The following PPP1R13B variants were observed in gnomAD, a reference collection of about 807,000 sequenced individuals.
PPP1R13B encodes protein phosphatase 1 regulatory subunit 13B.
PPP1R13B carries 44 observed loss-of-function variants against 119.8 expected under a neutral mutation model. The observed-to-expected ratio is 0.37, with a 90% CI of 0.29 to 0.47. The LOEUF is 0.47. Among genes scored for constraint, PPP1R13B ranks in the 20% least tolerant of loss-of-function variants. The pLI, the probability that PPP1R13B is intolerant of heterozygous loss-of-function variation, is 0.99. For synonymous variants in PPP1R13B, 542 were observed against 561.5 expected (o/e 0.97, Z 0.49); for missense variants, 1,227 against 1,413.5 (o/e 0.87, Z 2.12).
intron 4 of PPP1R13B, among the ~76,000 whole-genome samples, chr14:103,769,525 C>A (rs12890354): frequency 0.29 from 44,236 of 152,076 alleles, 6,929 homozygotes; most frequent in Non-Finnish European, 0.34. Flanking sequence ...CAGGCGTGAG[C>A]CACAACACAT....
At chr14:103,794,580 G>A (rs1176562903) in intron 2 of PPP1R13B, 8 of 425,332 alleles carry the variant, frequency 1.9e-5, no homozygotes, top group African/African-American at 1.2e-4. Flanking sequence ...CACCCACCTC[G>A]GCCTCCCAAA....
At chr14:103,780,848 T>C (rs930319229) in intron 3 of PPP1R13B, among the ~76,000 whole-genome samples, 1 of 151,036 alleles carries the variant, frequency 6.6e-6, no homozygotes, top group African/African-American at 2.4e-5. Context: ...AAAAGAATAT[T>C]AGTAAGTTGA....
intron 2 of PPP1R13B, among the ~76,000 whole-genome samples, chr14:103,792,574 G>A (rs1157279105): frequency 3.9e-5 from 6 of 152,012 alleles, no homozygotes; most frequent in African/African-American, 1.2e-4. Context: ...AACACAACCC[G>A]ATCAACATGA....
At chr14:103,831,361 G>A (rs536964763) in intron 1 of PPP1R13B, among the ~76,000 whole-genome samples, 11 of 148,662 alleles carry the variant, frequency 7.4e-5, no homozygotes, top group African/African-American at 2.5e-4. Context: ...CCAGGCTGGA[G>A]TGCAGTGGTG....
At chr14:103,807,145 C>T (rs2086035477) in intron 1 of PPP1R13B, among the ~76,000 whole-genome samples, 1 of 152,222 alleles carries the variant, frequency 6.6e-6, no homozygotes, top group Admixed American at 6.5e-5. Flanking sequence ...GGGCTTTGCA[C>T]TTGCTATTCT....
intron 1 of PPP1R13B, among the ~76,000 whole-genome samples, chr14:103,819,445 T>C (rs1457662392): frequency 1.3e-5 from 2 of 149,316 alleles, no homozygotes; most frequent in African/African-American, 5.0e-5. Flanking sequence ...TGCAGTGAAC[T>C]ATGATCCTGC....
chr14:103,811,589 G>A (rs945547875), intron 1 of PPP1R13B, among the ~76,000 whole-genome samples: 1 of 152,082 alleles, frequency 6.6e-6, no homozygotes, highest in Admixed American at 6.6e-5. Context: ...TTGGGAGGCT[G>A]AGGTAGGAGG....
At chr14:103,737,512 G>T in intron 15 of PPP1R13B, 182 bp downstream of exon 15, 1 of 728,392 alleles carries the variant, frequency 1.4e-6, no homozygotes. Flanking sequence ...GGAGGTCGAG[G>T]CTGCAGTGAG....
intron 1 of PPP1R13B, among the ~76,000 whole-genome samples, chr14:103,817,569 A>AT (rs59987775): frequency 1.3e-5 from 2 of 151,968 alleles, no homozygotes; most frequent in East Asian, 1.9e-4. Context: ...ACAGAGCTAA[A>AT]TTTTTTTTTA....
At chr14:103,835,505 A>C in intron 1 of PPP1R13B, among the ~76,000 whole-genome samples, 1 of 146,554 alleles carries the variant, frequency 6.8e-6, no homozygotes, top group Non-Finnish European at 1.5e-5. Context: ...ATCATACCTC[A>C]CTGCAGCCTC....
At chr14:103,833,598 G>A (rs1336650125) in intron 1 of PPP1R13B, among the ~76,000 whole-genome samples, 5 of 151,962 alleles carry the variant, frequency 3.3e-5, no homozygotes, top group Admixed American at 6.6e-5. Context: ...AGACAAGATC[G>A]CACTACTGCA....
chr14:103,742,776 C>T lies in PPP1R13B; in HGVS notation c.1198G>A (p.Val400Met), dbSNP rs1368826207. 3.2e-5 allele frequency: 51 copies of T among 1,614,006 alleles called. No homozygotes were observed. Among genetic ancestry groups the T allele is most frequent in the Middle Eastern group, 1.6e-4 (1 of 6,084 alleles). Reference sequence around the variant, plus strand: ...GCACCGGCCACCTGCACTGGTTTCACGGAAGAGCTAGAATTCTGTTTTAAT... The same window carrying T: ...GCACCGGCCACCTGCACTGGTTTCATGGAAGAGCTAGAATTCTGTTTTAAT... ...PTLKQNSSSSVKPVQVAGADW... is the reference protein window; with the variant it reads ...PTLKQNSSSSMKPVQVAGADW... Residue 400 changes from valine to methionine, a missense_variant, in exon 10 of 17, where the codon GTG becomes ATG. Val to Met is a conservative substitution (Grantham distance 21). Coordinates refer to ENST00000202556, the MANE Select transcript of PPP1R13B (RefSeq NM_015316.3). The surrounding 1 kb of genome is among the most constrained non-coding windows in gnomAD (Gnocchi z 4.9).
Position 103,805,784 on chromosome 14 carries a change from CAT to C in PPP1R13B, c.10-8268_10-8267del, listed in dbSNP as rs748177476. ...GAAAGAGGCCAGACACAAAAGACCA[CAT>C]GTTATATGATTCCATTTATATGAAA... On this transcript the variant is annotated intron_variant, in intron 1 of 16. Transcript: ENST00000202556. Among the ~76,000 whole-genome samples, 125 of 152,174 alleles carry C rather than the reference CAT, an allele frequency of 8.2e-4. 1 individual carries two copies. Among genetic ancestry groups the C allele is most frequent in the Admixed American group, 8.5e-4 (13 of 15,260 alleles).
At chr14:103,829,293 C>T (rs2086617201) in intron 1 of PPP1R13B, among the ~76,000 whole-genome samples, 2 of 152,186 alleles carry the variant, frequency 1.3e-5, no homozygotes, top group Admixed American at 1.3e-4. Context: ...AGCATCCTCA[C>T]AAAATGACAC....
chr14:103,770,569 G>C (rs1464178937), intron 4 of PPP1R13B, among the ~76,000 whole-genome samples: 2 of 151,812 alleles, frequency 1.3e-5, no homozygotes, highest in Non-Finnish European at 2.9e-5. Context: ...TTATACCCAA[G>C]GCAAGATGCT....
intron 1 of PPP1R13B, among the ~76,000 whole-genome samples, chr14:103,813,237 A>G (rs2152061256): frequency 6.6e-6 from 1 of 152,316 alleles, no homozygotes; most frequent in South Asian, 2.1e-4. Context: ...AATGTTAAAA[A>G]AAAAAAGCAC....
intron 1 of PPP1R13B, among the ~76,000 whole-genome samples, chr14:103,802,093 A>C (rs2085913768): frequency 6.6e-6 from 1 of 152,236 alleles, no homozygotes; most frequent in South Asian, 2.1e-4. Flanking sequence ...ATCAGAAACA[A>C]CTGGAATATA....
chr14:103,750,267 C>G (rs1156368405), intron 7 of PPP1R13B, among the ~76,000 whole-genome samples: 1 of 152,172 alleles, frequency 6.6e-6, no homozygotes, highest in Admixed American at 6.5e-5. Context: ...TGCTTCAGGC[C>G]TGAGCCCACC....
chr14:103,844,037 C>T (rs1193960516), intron 1 of PPP1R13B, among the ~76,000 whole-genome samples: 1 of 151,420 alleles, frequency 6.6e-6, no homozygotes, highest in African/African-American at 2.4e-5. Flanking sequence ...GAGGCTGGGG[C>T]GGGCAGATCA....
Sources: gnomAD v4.1 joint callset for allele counts (sites outside exome capture counted in the v4.1 genomes callset) on GRCh38, gnomAD v4.1.1 for gene constraint, Gnocchi (gnomAD v3.1) non-coding constraint, MANE v1.5 for transcripts, NCBI Gene and HGNC (gene_info 2026-07-23, HGNC 2026-07-21) for gene names.